PEX14: variants seen among roughly 807,000 people sequenced by gnomAD.
PEX14 encodes the protein peroxisomal biogenesis factor 14.
Under a neutral mutation model 49.5 loss-of-function variants are expected in PEX14, and 15 were observed. The observed-to-expected ratio is 0.30, with a 90% CI of 0.20 to 0.47. The LOEUF is 0.47. PEX14 is among the 20% of genes least tolerant of loss of function. PEX14 has a pLI of 1.00. For missense variants in PEX14, 398 were observed against 494.8 expected (o/e 0.80, Z 1.86); for synonymous variants, 210 against 212.7 (o/e 0.99, Z 0.11).
chr1:10,571,024 T>TG (rs1215268312), intron 3 of PEX14, among the ~76,000 whole-genome samples: 1 of 145,626 alleles, frequency 6.9e-6, no homozygotes, highest in African/African-American at 2.5e-5. Context: ...AGTTTTTTTT[T>TG]TTTTTTTTTT....
chr1:10,518,398 C>T (rs1322841691), intron 2 of PEX14, among the ~76,000 whole-genome samples: 2 of 152,176 alleles, frequency 1.3e-5, no homozygotes, highest in Non-Finnish European at 2.9e-5. Context: ...CTCCTCTCTG[C>T]CTCAGTGGTT....
intron 1 of PEX14, among the ~76,000 whole-genome samples, chr1:10,486,751 G>C (rs12066757): frequency 0.04 from 6,041 of 149,536 alleles, 431 homozygotes; most frequent in African/African-American, 0.14. Context: ...GCAGTGGCGC[G>C]ATCTCGGCTC....
chr1:10,582,090 A>G (rs1640338019), intron 3 of PEX14, among the ~76,000 whole-genome samples: 1 of 151,784 alleles, frequency 6.6e-6, no homozygotes, highest in Non-Finnish European at 1.5e-5. Context: ...TTTTAATTTT[A>G]TTTCCTGCTT....
intron 3 of PEX14, among the ~76,000 whole-genome samples, chr1:10,590,921 A>G (rs1212808256): frequency 6.6e-6 from 1 of 152,240 alleles, no homozygotes; most frequent in Non-Finnish European, 1.5e-5. Flanking sequence ...AAGATGCAGA[A>G]GAAAACCCCA....
chr1:10,512,551 G>A lies in PEX14; in HGVS notation c.84+17230G>A, dbSNP rs1375612895. ...GTGTTGGTTGGAAACCTGCACTGGC[G>A]TCGGTGGTTATATTCCACATTTGTC... is the stretch of plus-strand genomic sequence containing the variant. On this transcript the variant is annotated intron_variant, in intron 2 of 8. Transcript: ENST00000356607. The surrounding 1 kb of genome is among the most constrained non-coding windows in gnomAD (Gnocchi z 4.6). Among the ~76,000 whole-genome samples the A allele has an allele frequency of 3.3e-5, 5 of 152,148 alleles. No homozygotes were observed. The highest frequency in any genetic ancestry group is 7.2e-5 in the African/African-American group (3 of 41,436).
chr1:10,607,172 G>A (rs907135632), intron 4 of PEX14, among the ~76,000 whole-genome samples: 3 of 150,188 alleles, frequency 2.0e-5, no homozygotes, highest in Admixed American at 6.6e-5. Flanking sequence ...TTTTCTTTCC[G>A]CTCAGCGTAG....
intron 2 of PEX14, among the ~76,000 whole-genome samples, chr1:10,521,396 G>A (rs1045305419): frequency 1.3e-5 from 2 of 152,200 alleles, no homozygotes; most frequent in African/African-American, 4.8e-5. Flanking sequence ...GATGATGTCA[G>A]CTGAGTTTAC....
intron 3 of PEX14, among the ~76,000 whole-genome samples, chr1:10,540,145 G>A (rs1269059674): frequency 6.6e-6 from 1 of 152,114 alleles, no homozygotes; most frequent in African/African-American, 2.4e-5. Flanking sequence ...TCCTTCTACT[G>A]TTCCTGGAAG....
At chr1:10,536,587 A>G in intron 3 of PEX14, 1 of 418,438 alleles carries the variant, frequency 2.4e-6, no homozygotes, top group Non-Finnish European at 4.5e-6. Flanking sequence ...GAGACTGTGG[A>G]GGACTTCTGG....
intron 3 of PEX14, among the ~76,000 whole-genome samples, chr1:10,554,986 G>A (rs1570258444): frequency 1.3e-5 from 2 of 152,142 alleles, no homozygotes; most frequent in Non-Finnish European, 2.9e-5. Context: ...TTCTCTAGAG[G>A]CATCTTCCTC....
chr1:10,548,819 A>G (rs1004746555), intron 3 of PEX14, among the ~76,000 whole-genome samples: 3 of 152,094 alleles, frequency 2.0e-5, no homozygotes, highest in Non-Finnish European at 2.9e-5. Flanking sequence ...GAATTGAACA[A>G]CTCTACTAAT....
Position 10,487,481 on chromosome 1 carries a change from C to CTTTTTT in PEX14, c.37-7776_37-7771dup, listed in dbSNP as rs33968565. On this transcript the variant is annotated intron_variant, in intron 1 of 8. Coordinates refer to ENST00000356607, the MANE Select transcript of PEX14 (RefSeq NM_004565.3). ...ATACTTTATTACTTTTTCTTTCTTT[C>CTTTTTT]TTTTTTTTTTTTTTTTTTTTTTGAG... Among the ~76,000 whole-genome samples the CTTTTTT allele has an allele frequency of 5.9e-3, 516 of 86,744 alleles. 3 individuals carry two copies. Among genetic ancestry groups the CTTTTTT allele is most frequent in the Non-Finnish European group, 8.7e-3 (410 of 47,070 alleles). 56.9% of individuals were successfully genotyped at this position (86,744 alleles called of 152,430 possible). A position where few individuals can be genotyped will look rare whatever the true frequency, so the allele number is the denominator to read the frequency against.
rs558286620 is a variant in PEX14 at position 10,572,623 on chromosome 1, C to T, written c.170-26615C>T. ...AATCTCAGCTCACTGCAAGCTCTGC[C>T]TCCTGGGTTCACACCATTCTCCTGT... On this transcript the variant is annotated intron_variant, in intron 3 of 8. Transcript: ENST00000356607. 2.7e-3 allele frequency among the ~76,000 whole-genome samples: 416 copies of T among 152,268 alleles called. 4 individuals carry two copies. The highest frequency in any genetic ancestry group is 9.6e-3 in the African/African-American group (397 of 41,560).
chr1:10,595,676 G>A lies in PEX14; in HGVS notation c.170-3562G>A, dbSNP rs956468689. 7.9e-5 allele frequency among the ~76,000 whole-genome samples: 12 copies of A among 152,324 alleles called. No homozygotes were observed. The East Asian group carries it at 1.5e-3, about 20-fold the overall frequency. On this transcript the variant is annotated intron_variant, in intron 3 of 8. Coordinates refer to ENST00000356607, the MANE Select transcript of PEX14 (RefSeq NM_004565.3). ...AGAGGAGGGAGGAGGCTTGCAGGAC[G>A]GTGAAGCCCTTTGCTTCCAGCTCTC...
At chr1:10,519,897 T>A (rs1638226376) in intron 2 of PEX14, among the ~76,000 whole-genome samples, 1 of 152,140 alleles carries the variant, frequency 6.6e-6, no homozygotes, top group African/African-American at 2.4e-5. Flanking sequence ...CGCCTCGACC[T>A]CCATGTAGCT....
At chr1:10,535,228 T>A (rs1422876213) in intron 2 of PEX14, among the ~76,000 whole-genome samples, 1 of 152,206 alleles carries the variant, frequency 6.6e-6, no homozygotes, top group Non-Finnish European at 1.5e-5. Flanking sequence ...ATAGGGCTGG[T>A]GTCTGGGGTG....
rs1372894733 is a variant in PEX14, at chr1:10,494,003, G to A, written c.37-1271G>A. Reference sequence around the variant, plus strand: ...TAAAGGTTTGAAGTTACCAATGCCTGGAGCTTTGGGAGGACAGGAGGCAGG... The same window carrying A: ...TAAAGGTTTGAAGTTACCAATGCCTAGAGCTTTGGGAGGACAGGAGGCAGG... On this transcript the variant is annotated intron_variant, in intron 1 of 8. Transcript: ENST00000356607. The surrounding 1 kb of genome is among the most constrained non-coding windows in gnomAD (Gnocchi z 4.3). 6.6e-6 allele frequency among the ~76,000 whole-genome samples: 1 copy of A among 152,168 alleles called. No individual in the cohort carries two copies. The highest frequency in any genetic ancestry group is 1.5e-5 in the Non-Finnish European group (1 of 68,020).
chr1:10,522,550 T>C (rs746940488), intron 2 of PEX14, among the ~76,000 whole-genome samples: 15 of 152,220 alleles, frequency 9.9e-5, no homozygotes, highest in Non-Finnish European at 1.9e-4. Flanking sequence ...TCTTTTGGCT[T>C]GTTTCCTCAT....
rs954960485 is a variant in PEX14, at chr1:10,514,779, C to T, written c.84+19458C>T. 6.6e-6 allele frequency among the ~76,000 whole-genome samples: 1 copy of T among 152,230 alleles called. No individual in the cohort carries two copies. Among genetic ancestry groups the T allele is most frequent in the African/African-American group, 2.4e-5 (1 of 41,462 alleles). On this transcript the variant is annotated intron_variant, in intron 2 of 8. Coordinates refer to ENST00000356607, the MANE Select transcript of PEX14 (RefSeq NM_004565.3). The surrounding 1 kb of genome is among the most constrained non-coding windows in gnomAD (Gnocchi z 4.4). ...AGTAGTTGTTTGCTTGTTTTTGCTACACCAAGCTTCTGGCATTTTTATTGT... is the reference window on the plus strand; with the variant it reads ...AGTAGTTGTTTGCTTGTTTTTGCTATACCAAGCTTCTGGCATTTTTATTGT...
Sources: gnomAD v4.1 joint callset for allele counts (sites outside exome capture counted in the v4.1 genomes callset) on GRCh38, gnomAD v4.1.1 for gene constraint, Gnocchi (gnomAD v3.1) non-coding constraint, MANE v1.5 for transcripts, NCBI Gene and HGNC (gene_info 2026-07-23, HGNC 2026-07-21) for gene names.